UGT2B15: variants seen among roughly 807,000 people sequenced by gnomAD.
UGT2B15 encodes the protein UDP-glucuronosyltransferase 2B15.
In UGT2B15, 36 loss-of-function variants were observed where a neutral mutation model predicts 45.9. The observed-to-expected ratio is 0.78, with a 90% CI of 0.60 to 1.04. UGT2B15 has a LOEUF of 1.04. Ranked by LOEUF, UGT2B15 falls within the 50% of genes least tolerant of loss-of-function variation. The pLI, the probability that UGT2B15 is intolerant of heterozygous loss-of-function variation, is 0.00. For missense variants in UGT2B15, 617 were observed against 622.4 expected, an observed-to-expected ratio of 0.99 and a Z score of 0.09; for synonymous variants, 219 against 216.4, an observed-to-expected ratio of 1.01 and a Z score of -0.11.
chr4:68,654,610 G>C (rs1390044247), intron 4 of UGT2B15, among the ~76,000 whole-genome samples: 1 of 151,868 alleles, frequency 6.6e-6, no homozygotes, highest in Admixed American at 6.6e-5. Flanking sequence ...AGGGAGTAGG[G>C]TGGAGGTGGG....
chr4:68,647,310 A>G lies in UGT2B15; in HGVS notation c.1387T>C (p.Phe463Leu). ...QPMKPLDRAV[F>L]WIEFVMRHKG... is the part of the protein sequence containing the mutation. ...TGGCGCATGACAAACTCAATCCAGA[A>G]GACTGCTCGATCCAGGGGCTTCATT... is the stretch of plus-strand genomic sequence containing the variant. Residue 463 changes from phenylalanine (F) to leucine (L), a missense_variant, in exon 6 of 6, where the codon TTC (phenylalanine) becomes CTC (leucine). Physicochemically the swap from Phe to Leu is conservative, Grantham distance 22. Coordinates refer to ENST00000338206, the MANE Select transcript of UGT2B15 (RefSeq NM_001076.4). The G allele has an allele frequency of 3.1e-6, 5 of 1,613,918 alleles. No individual in the cohort carries two copies. The highest frequency in any genetic ancestry group is 4.2e-6 in the Non-Finnish European group (5 of 1,179,832).
At position 68,647,061 on chromosome 4, in the gene UGT2B15, G is replaced by T; in HGVS notation, c.*43C>A. On this transcript the variant is annotated 3_prime_UTR_variant, in exon 6 of 6. Coordinates refer to ENST00000338206, the MANE Select transcript of UGT2B15 (RefSeq NM_001076.4). ...AACCCTCCATGCTGAAATAAAGGAG[G>T]AGTCCCATCTTTCAGTCATTCCACT... is the stretch of plus-strand genomic sequence containing the variant. The T allele has an allele frequency of 6.4e-7, 1 of 1,573,748 alleles. No individual in the cohort carries two copies. Among genetic ancestry groups the T allele is most frequent in the South Asian group, 1.2e-5 (1 of 83,976 alleles).
rs1455921124 is a variant in UGT2B15, at chr4:68,670,446, G to A, written c.173C>T (p.Ser58Phe). The change falls in exon 1 of 6, where the codon TCT (serine) becomes TTT (phenylalanine). Residue 58 changes from serine (S) to phenylalanine (F), a missense_variant. Around this residue, in one of 3 missense-constraint regions of UGT2B15, gnomAD observed 351 missense variants for 342.1 expected, o/e 1.03. Transcript: ENST00000338206. Reference protein sequence around the residue: ...QRGHEVTVLTSSASTLVNASK... With the variant: ...QRGHEVTVLTFSASTLVNASK... ...GGCATTGACAAGAGTAGAAGCCGAA[G>A]ATGTCAACACAGTCACCTCATGACC... 1.9e-6 allele frequency: 3 copies of A among 1,613,966 alleles called. No individual in the cohort carries two copies. The highest frequency in any genetic ancestry group is 2.5e-6 in the Non-Finnish European group (3 of 1,179,982).
At chr4:68,664,279 AGAG>A (rs1348652989) in intron 2 of UGT2B15, among the ~76,000 whole-genome samples, 5 of 138,680 alleles carry the variant, frequency 3.6e-5, no homozygotes, top group East Asian at 2.4e-4. Flanking sequence ...AAAAAAAAAA[AGAG>A]AGAGAGAAAG....
intron 4 of UGT2B15, among the ~76,000 whole-genome samples, chr4:68,654,489 A>G (rs528251680): frequency 3.3e-5 from 5 of 152,012 alleles, no homozygotes; most frequent in Non-Finnish European, 7.4e-5. Context: ...GATTGGGTAT[A>G]CAAGAACGTG....
rs1433034772 is a variant in UGT2B15 at position 68,670,102 on chromosome 4, G to T, written c.517C>A (p.Leu173Ile). The part of the protein sequence containing the change: ...ELFNIPFLYS[L>I]RFSVGYTFEK... ...AATGTGTAGCCAACAGAGAATCGAAGACTGTACAGAAAGGGTATGTTAAAT... is the reference window on the plus strand; with the variant it reads ...AATGTGTAGCCAACAGAGAATCGAATACTGTACAGAAAGGGTATGTTAAAT... The change falls in exon 1 of 6, where the codon CTT becomes ATT. Residue 173 changes from leucine (L) to isoleucine (I), a missense_variant. This residue lies in a region of UGT2B15 where 351 missense variants were observed against 342.1 expected (regional missense o/e 1.03). Coordinates refer to ENST00000338206, the MANE Select transcript of UGT2B15 (RefSeq NM_001076.4). 6.2e-7 allele frequency: 1 copy of T among 1,614,102 alleles called. No individual in the cohort carries two copies. The highest frequency in any genetic ancestry group is 1.1e-5 in the South Asian group (1 of 91,082).
chr4:68,668,190 T>C lies in UGT2B15; in HGVS notation c.725-2A>G, dbSNP rs775884210. 5.4e-5 allele frequency: 86 copies of C among 1,605,456 alleles called. No individual in the cohort carries two copies. Among genetic ancestry groups the C allele is most frequent in the Non-Finnish European group, 4.8e-5 (57 of 1,176,548 alleles). On this transcript the variant is annotated splice_acceptor_variant, in intron 1 of 5. Transcript: ENST00000338206. LOFTEE classifies it high-confidence loss of function. ...TCTCAAATAATGTAGTGGGTCTTCC[T>C]GATGGAAAAAAACAAAACAAAACAA...
chr4:68,668,223 C>T (rs575431062), intron 1 of UGT2B15, 35 bp from the exon 2 acceptor site: 2 of 1,605,986 alleles, frequency 1.2e-6, no homozygotes, highest in South Asian at 1.1e-5. Context: ...CAAAAGGTAG[C>T]TAACACGAGA....
intron 1 of UGT2B15, 143 bp from the exon 2 acceptor site, chr4:68,668,331 T>A (rs1578201648): frequency 8.4e-7 from 1 of 1,184,288 alleles, no homozygotes; most frequent in African/African-American, 1.6e-5. Context: ...TATATATAAA[T>A]ACATTTATAT....
At chr4:68,663,901 G>T (rs534426253) in intron 2 of UGT2B15, among the ~76,000 whole-genome samples, 2 of 151,964 alleles carry the variant, frequency 1.3e-5, no homozygotes, top group Non-Finnish European at 2.9e-5. Context: ...ATACTATATA[G>T]TTACATAATT....
intron 5 of UGT2B15, 101 bp downstream of exon 5, chr4:68,653,936 A>G: frequency 6.8e-7 from 1 of 1,461,544 alleles, no homozygotes; most frequent in South Asian, 1.3e-5. Flanking sequence ...AATCACTTCA[A>G]TCCCTTCAAA....
At chr4:68,667,549 T>A (rs1041685162) in intron 2 of UGT2B15, among the ~76,000 whole-genome samples, 46 of 152,240 alleles carry the variant, frequency 3.0e-4, no homozygotes, top group African/African-American at 1.1e-3. Flanking sequence ...AGTACTCACT[T>A]TAATTGTCAA....
At chr4:68,658,907 T>A (rs1310234979) in intron 3 of UGT2B15, among the ~76,000 whole-genome samples, 1 of 152,068 alleles carries the variant, frequency 6.6e-6, no homozygotes, top group East Asian at 1.9e-4. Context: ...TGTGAGATTT[T>A]AAGAACTGAT....
At chr4:68,665,416 T>A (rs1289861068) in intron 2 of UGT2B15, among the ~76,000 whole-genome samples, 5 of 152,164 alleles carry the variant, frequency 3.3e-5, no homozygotes, top group Non-Finnish European at 7.3e-5. Context: ...AATGGCTTGG[T>A]ATGCACATTA....
chr4:68,647,359 T>A lies in UGT2B15; in HGVS notation c.1338A>T (p.Leu446Phe). ...DPVYKENVMK[L>F]SRIHHDQPMK... is the part of the protein sequence containing the mutation. The stretch of plus-strand genomic sequence containing the variant: ...TTGGTTGGTCATGATGAATTCTTGA[T>A]AATTTCATGACATTCTCTTTATAGC... Residue 446 changes from leucine (L) to phenylalanine (F), a missense_variant, in exon 6 of 6, where the codon TTA becomes TTT. Leu to Phe is a conservative substitution (Grantham distance 22, BLOSUM62 0). Transcript: ENST00000338206. 2.5e-6 allele frequency: 4 copies of A among 1,613,492 alleles called. No homozygotes were observed. Among genetic ancestry groups the A allele is most frequent in the Non-Finnish European group, 2.5e-6 (3 of 1,179,586 alleles).
At position 68,654,069 on chromosome 4, in the gene UGT2B15, G is replaced by A. The variant is rs1732730565; in HGVS notation, c.1281C>T (p.Leu427=). Residue 427 remains leucine (L), a synonymous_variant, in exon 5 of 6, where the codon CTC becomes CTT. Coordinates refer to ENST00000338206, the MANE Select transcript of UGT2B15 (RefSeq NM_001076.4). The part of the protein sequence containing the change: ...DIRTMSSRDL[L]NALKSVINDP... ...CATTAATGACTGACTTCAATGCATT[G>A]AGCAAATCTCTACTTGACATGGTCC... 1 of 1,613,522 alleles carries A rather than the reference G, an allele frequency of 6.2e-7. No homozygotes were observed.
chr4:68,657,028 T>C (rs1732826705), intron 3 of UGT2B15, among the ~76,000 whole-genome samples: 1 of 152,170 alleles, frequency 6.6e-6, no homozygotes, highest in African/African-American at 2.4e-5. Context: ...TAATTCTAGT[T>C]TGGAGATGTG....
chr4:68,665,185 T>C (rs1733083889), intron 2 of UGT2B15, among the ~76,000 whole-genome samples: 1 of 152,194 alleles, frequency 6.6e-6, no homozygotes. Context: ...TCTATCTCAA[T>C]TTAAAATGTG....
intron 5 of UGT2B15, among the ~76,000 whole-genome samples, chr4:68,650,078 C>A (rs1159228083): frequency 6.6e-6 from 1 of 152,044 alleles, no homozygotes; most frequent in Admixed American, 6.6e-5. Context: ...TCGTGATCTG[C>A]CCTCCTCAGC....
Sources: allele counts gnomAD v4.1 joint callset (sites outside exome capture counted in the v4.1 genomes callset), GRCh38; gene constraint gnomAD v4.1.1; regional missense constraint gnomAD v4.1.1; transcripts MANE v1.5; gene names NCBI Gene and HGNC (gene_info 2026-07-23, HGNC 2026-07-21).